The following EEFSEC variants were observed in gnomAD, a reference collection of about 807,000 sequenced individuals.
EEFSEC encodes the protein eukaryotic elongation factor, selenocysteine-tRNA specific, also known as selenocysteine-specific elongation factor.
EEFSEC carries 43 observed loss-of-function variants against 42.1 expected under a neutral mutation model. The observed-to-expected ratio is 1.02, with a 90% confidence interval of 0.80 to 1.32. The LOEUF (loss-of-function observed/expected upper bound fraction) is 1.32, where lower values mean the gene tolerates loss of function less well. Ranked by LOEUF, EEFSEC falls within the 40% of genes most tolerant of loss-of-function variation. The pLI, the probability that EEFSEC is intolerant of heterozygous loss-of-function variation, is 0.00. For synonymous variants in EEFSEC, 354 were observed against 339.1 expected (o/e 1.04, Z -0.48); for missense variants, 745 against 803.6 (o/e 0.93, Z 0.88).
chr3:128,185,595 T>C (rs756197600), intron 1 of EEFSEC, among the ~76,000 whole-genome samples: 1 of 152,188 alleles, frequency 6.6e-6, no homozygotes, highest in Non-Finnish European at 1.5e-5. Flanking sequence ...AAGGTCTTGC[T>C]CTGTTGCTCA....
chr3:128,219,673 A>G (rs188695701), intron 1 of EEFSEC, among the ~76,000 whole-genome samples: 151 of 152,156 alleles, frequency 9.9e-4, no homozygotes, highest in African/African-American at 3.4e-3. Context: ...CATTATTTGT[A>G]TCTCACACTA....
intron 4 of EEFSEC, among the ~76,000 whole-genome samples, chr3:128,330,186 T>C (rs555602810): frequency 6.6e-6 from 1 of 152,338 alleles, no homozygotes; most frequent in South Asian, 2.1e-4. Context: ...AGCTCCCTGG[T>C]GAAGCTCCCT....
intron 6 of EEFSEC, among the ~76,000 whole-genome samples, chr3:128,392,332 G>A (rs989069750): frequency 1.3e-5 from 2 of 152,210 alleles, no homozygotes; most frequent in Non-Finnish European, 2.9e-5. Flanking sequence ...AGTCATTCAT[G>A]CCATGTCAGC....
chr3:128,364,714 C>T (rs2067567943), intron 6 of EEFSEC, among the ~76,000 whole-genome samples: 1 of 152,212 alleles, frequency 6.6e-6, no homozygotes, highest in African/African-American at 2.4e-5. Flanking sequence ...TGCACCTGAC[C>T]CCCAGGCCCT....
rs1206270912 is a variant in EEFSEC, at chr3:128,386,967, T to C, written c.1601-21102T>C. ...GGACAGACATCCAAACCACATCATA[T>C]GCTGGCCTCTGCAGCCTCCTCCCAG... On this transcript the variant is annotated intron_variant, in intron 6 of 6. Transcript: ENST00000254730. 3.3e-5 allele frequency among the ~76,000 whole-genome samples: 5 copies of C among 152,340 alleles called. No individual in the cohort carries two copies. In the East Asian group the frequency reaches 9.6e-4, roughly 29 times the overall value.
chr3:128,307,374 AGG>A (rs1226142165), intron 4 of EEFSEC, among the ~76,000 whole-genome samples: 1 of 152,300 alleles, frequency 6.6e-6, no homozygotes, highest in East Asian at 1.9e-4. Flanking sequence ...GGAGATTAGC[AGG>A]GGCTTTTCTT....
At chr3:128,393,546 C>G (rs1559956109) in intron 6 of EEFSEC, among the ~76,000 whole-genome samples, 1 of 152,206 alleles carries the variant, frequency 6.6e-6, no homozygotes, top group Non-Finnish European at 1.5e-5. Context: ...ACTCCAAGAC[C>G]GGGGGGCAGC....
At chr3:128,264,993 A>G (rs367891756) in intron 4 of EEFSEC, among the ~76,000 whole-genome samples, 1 of 152,212 alleles carries the variant, frequency 6.6e-6, no homozygotes, top group East Asian at 1.9e-4. Flanking sequence ...CCTAATTCTC[A>G]TAGCGCCTGT....
chr3:128,315,017 A>G (rs887418870), intron 4 of EEFSEC, among the ~76,000 whole-genome samples: 5 of 152,174 alleles, frequency 3.3e-5, no homozygotes, highest in African/African-American at 7.2e-5. Flanking sequence ...TGGGAAGCCA[A>G]TGTCTCTCCC....
intron 1 of EEFSEC, among the ~76,000 whole-genome samples, chr3:128,177,448 G>A (rs753534845): frequency 3.3e-5 from 4 of 121,668 alleles, no homozygotes; most frequent in Non-Finnish European, 6.4e-5. Flanking sequence ...TTTGGCACAC[G>A]TTTCCAAATA....
intron 1 of EEFSEC, among the ~76,000 whole-genome samples, chr3:128,205,980 C>G (rs1247584044): frequency 6.6e-6 from 1 of 152,162 alleles, no homozygotes; most frequent in Non-Finnish European, 1.5e-5. Context: ...TGTCTGTGTC[C>G]TCCTTTTTCA....
the EEFSEC span, among the ~76,000 whole-genome samples, chr3:128,414,718 G>A: frequency 3.9e-5 from 6 of 152,172 alleles, no homozygotes; most frequent in Non-Finnish European, 2.9e-5. Context: ...TAACTTCACC[G>A]CCATCATCAT....
At chr3:128,163,952 A>AAC (rs2065219337) in intron 1 of EEFSEC, among the ~76,000 whole-genome samples, 1 of 151,722 alleles carries the variant, frequency 6.6e-6, no homozygotes, top group Non-Finnish European at 1.5e-5. Flanking sequence ...AAAAAAAAAA[A>AAC]CAAAACTATT....
At chr3:128,413,515 G>A (rs1397978486), downstream of EEFSEC, among the ~76,000 whole-genome samples, 2 of 152,144 alleles carry the variant, frequency 1.3e-5, no homozygotes, top group East Asian at 1.9e-4. Flanking sequence ...GGCCGGCCCC[G>A]AACCCCTGGC....
chr3:128,300,704 C>T (rs2066757574), intron 4 of EEFSEC, among the ~76,000 whole-genome samples: 1 of 152,174 alleles, frequency 6.6e-6, no homozygotes, highest in South Asian at 2.1e-4. Flanking sequence ...TAAAACAACA[C>T]ATACATATGT....
chr3:128,284,268 G>C lies in EEFSEC; in HGVS notation c.786+19487G>C, dbSNP rs375930412. Among the ~76,000 whole-genome samples the C allele has an allele frequency of 3.3e-5, 5 of 152,312 alleles. No individual in the cohort carries two copies. The East Asian group carries it at 9.6e-4, about 29-fold the overall frequency. On this transcript the variant is annotated intron_variant, in intron 4 of 6. Coordinates refer to ENST00000254730, the MANE Select transcript of EEFSEC (RefSeq NM_021937.5). Reference sequence around the variant, plus strand: ...GTATTTCATACTCCCGCCTTTCCTTGAACTACACAATTCTTCCTAGAATAC... The same window carrying C: ...GTATTTCATACTCCCGCCTTTCCTTCAACTACACAATTCTTCCTAGAATAC...
chr3:128,362,605 T>C (rs1043590361), intron 6 of EEFSEC, among the ~76,000 whole-genome samples: 3 of 152,198 alleles, frequency 2.0e-5, no homozygotes, highest in Admixed American at 6.5e-5. Flanking sequence ...TGCTTTAGCA[T>C]TGAGGGGCAC....
chr3:128,407,984 G>A, intron 6 of EEFSEC, 85 bp from the exon 7 acceptor site: 1 of 1,294,650 alleles, frequency 7.7e-7, no homozygotes, highest in Non-Finnish European at 1.0e-6. Flanking sequence ...GAAGAGGGGT[G>A]AGTCTAGGCA....
chr3:128,278,287 A>C (rs914523512), intron 4 of EEFSEC, among the ~76,000 whole-genome samples: 7 of 152,224 alleles, frequency 4.6e-5, no homozygotes, highest in Non-Finnish European at 8.8e-5. Flanking sequence ...CATTAAAGGC[A>C]TTCAGGAGAT....
Sources: allele counts gnomAD v4.1 joint callset (sites outside exome capture counted in the v4.1 genomes callset), GRCh38; gene constraint gnomAD v4.1.1; transcripts MANE v1.5; gene names NCBI Gene and HGNC (gene_info 2026-07-23, HGNC 2026-07-21).